Variants in RMP64 observed in about 807,000 individuals in gnomAD.
RMP64 encodes the protein nucleolus and neural progenitor protein.
the RMP64 span, chr3:113,010,627 A>G: frequency 1.9e-6 from 3 of 1,606,734 alleles, no homozygotes. Flanking sequence ...GCTAAATTTA[A>G]TGAAGCCAGA....
the RMP64 span, among the ~76,000 whole-genome samples, chr3:113,012,317 C>A: frequency 6.6e-6 from 1 of 152,126 alleles, no homozygotes; most frequent in South Asian, 2.1e-4. Flanking sequence ...TACAGCCAGC[C>A]CAGGATTAGC....
At chr3:113,011,201 T>A in the RMP64 span, 1 of 1,613,240 alleles carries the variant, frequency 6.2e-7, no homozygotes, top group East Asian at 2.2e-5. Context: ...TTTAGCAATT[T>A]ATTTATTCCT....
the RMP64 span, chr3:113,011,102 T>C: frequency 3.7e-6 from 6 of 1,612,530 alleles, no homozygotes; most frequent in Non-Finnish European, 5.1e-6. Context: ...TTCTGTACAT[T>C]GATCTTCATT....
the RMP64 span, chr3:113,005,785 A>G: frequency 1.9e-6 from 3 of 1,613,688 alleles, no homozygotes; most frequent in South Asian, 1.1e-5. Context: ...GTCTCCACTT[A>G]GCACTGGTAT....
chr3:113,005,680 C>T, the RMP64 span: 31 of 1,613,926 alleles, frequency 1.9e-5, no homozygotes, highest in South Asian at 3.3e-4. Context: ...GAATCATTTT[C>T]TCCTTAGTTT....
chr3:113,010,561 G>T, the RMP64 span: 1 of 1,140,572 alleles, frequency 8.8e-7, no homozygotes, highest in Non-Finnish European at 1.3e-6. Context: ...AAAATGAAAA[G>T]ATTCAATCTC....
chr3:113,019,436 C>T, the RMP64 span: 4 of 887,804 alleles, frequency 4.5e-6, no homozygotes. Context: ...TTCCCAGCGT[C>T]CCCCGGGCCG....
the RMP64 span, chr3:113,003,341 C>CA: frequency 6.6e-6 from 1 of 152,020 alleles, no homozygotes; most frequent in Non-Finnish European, 1.5e-5. Flanking sequence ...GACTCTGTCT[C>CA]AAAAAATAAT....
the RMP64 span, chr3:113,019,498 TC>T: frequency 4.0e-6 from 6 of 1,499,112 alleles, no homozygotes; most frequent in Middle Eastern, 1.7e-4. Context: ...CCTGGCGGCC[TC>T]CCCCGGAAAC....
At chr3:113,008,490 AC>A in the RMP64 span, 2 of 1,403,296 alleles carry the variant, frequency 1.4e-6, no homozygotes, top group Non-Finnish European at 2.0e-6. Flanking sequence ...TAATTATATG[AC>A]AACAAGGAAA....
chr3:113,019,644 T>A, the RMP64 span: 1 of 1,612,528 alleles, frequency 6.2e-7, no homozygotes, highest in Non-Finnish European at 8.5e-7. Context: ...ACCGCAGCCA[T>A]CATGCGAGGC....
the RMP64 span, chr3:113,013,208 C>A: frequency 1.3e-6 from 2 of 1,549,108 alleles, no homozygotes; most frequent in Non-Finnish European, 1.8e-6. Context: ...AACAAAAATA[C>A]TGTTAAAAAT....
chr3:113,019,627 C>A, the RMP64 span: 1 of 1,613,454 alleles, frequency 6.2e-7, no homozygotes, highest in Non-Finnish European at 8.5e-7. Context: ...GCTCCAGGCC[C>A]GGCGGCACCG....
At chr3:113,007,307 T>A in the RMP64 span, among the ~76,000 whole-genome samples, 1 of 152,156 alleles carries the variant, frequency 6.6e-6, no homozygotes, top group African/African-American at 2.4e-5. Flanking sequence ...CTGTATACTT[T>A]TTTTTTTCTA....
the RMP64 span, among the ~76,000 whole-genome samples, chr3:113,011,905 AAAC>A: frequency 6.6e-5 from 10 of 152,382 alleles, no homozygotes; most frequent in South Asian, 1.2e-3. Flanking sequence ...ATAAAAAATA[AAAC>A]AATAGGAAAT....
chr3:113,013,757 TCA>T, the RMP64 span, among the ~76,000 whole-genome samples: 4 of 152,212 alleles, frequency 2.6e-5, no homozygotes, highest in Non-Finnish European at 5.9e-5. Flanking sequence ...GATTTCAATG[TCA>T]CACCAGTCAC....
chr3:113,010,904 CCT>C, the RMP64 span: 35 of 866,492 alleles, frequency 4.0e-5, no homozygotes, highest in Non-Finnish European at 5.9e-5. Context: ...TATTACCATA[CCT>C]CTCTAATCAA....
chr3:113,014,173 G>A, the RMP64 span: 10 of 569,736 alleles, frequency 1.8e-5, no homozygotes, highest in Admixed American at 3.3e-5. Flanking sequence ...TTTTTTTCAG[G>A]GTAGAGAAAT....
the RMP64 span, chr3:113,009,469 C>G: frequency 6.6e-6 from 1 of 152,202 alleles, no homozygotes; most frequent in African/African-American, 2.4e-5. Flanking sequence ...AAGAGGGATG[C>G]TGACCCACCA....
Sources: gnomAD v4.1 joint callset for allele counts (sites outside exome capture counted in the v4.1 genomes callset) on GRCh38, gnomAD v4.1.1 for gene constraint, MANE v1.5 for transcripts, NCBI Gene and HGNC (gene_info 2026-07-23, HGNC 2026-07-21) for gene names.